The following PRSS38 variants were observed in gnomAD, a reference collection of about 807,000 sequenced individuals.
PRSS38 encodes marapsin 2.
A neutral mutation model predicts 26.8 loss-of-function variants in PRSS38; 22 were observed. The observed-to-expected ratio is 0.82, with a 90% CI of 0.59 to 1.17. The LOEUF is 1.17. PRSS38 is among the 50% of genes most tolerant of loss of function. PRSS38 has a pLI of 0.00. For synonymous variants in PRSS38, 175 were observed against 172.1 expected (o/e 1.02, Z -0.13); for missense variants, 427 against 422.7 (o/e 1.01, Z -0.09).
intron 3 of PRSS38, among the ~76,000 whole-genome samples, chr1:227,818,354 G>A (rs1048397250): frequency 2.0e-5 from 3 of 152,138 alleles, no homozygotes; most frequent in African/African-American, 7.2e-5. Flanking sequence ...GGATCATATA[G>A]TTCTGCTCTT....
intron 3 of PRSS38, among the ~76,000 whole-genome samples, chr1:227,825,265 C>G (rs1421762510): frequency 6.6e-6 from 1 of 152,174 alleles, no homozygotes; most frequent in Non-Finnish European, 1.5e-5. Flanking sequence ...GATTTCAGCT[C>G]ACTGCAACCT....
chr1:227,845,846 C>T (rs1572093738), intron 4 of PRSS38, 108 bp from the exon 5 acceptor site: 2 of 1,465,788 alleles, frequency 1.4e-6, no homozygotes, highest in Non-Finnish European at 1.8e-6. Flanking sequence ...GGCACTGGCC[C>T]CTTCCAGCAG....
At chr1:227,834,413 A>G (rs1354620619) in intron 3 of PRSS38, among the ~76,000 whole-genome samples, 1 of 152,118 alleles carries the variant, frequency 6.6e-6, no homozygotes, top group Non-Finnish European at 1.5e-5. Flanking sequence ...TCGTGTGTAT[A>G]ATCCCAACAG....
chr1:227,832,446 A>G (rs948207676), intron 3 of PRSS38, among the ~76,000 whole-genome samples: 6 of 151,942 alleles, frequency 3.9e-5, no homozygotes, highest in African/African-American at 1.5e-4. Context: ...TCTTCCCTTG[A>G]TTTTTTAGAC....
At chr1:227,828,065 T>C (rs919507473) in intron 3 of PRSS38, among the ~76,000 whole-genome samples, 1 of 152,236 alleles carries the variant, frequency 6.6e-6, no homozygotes, top group Non-Finnish European at 1.5e-5. Flanking sequence ...CTGTTTATTA[T>C]GTTTTCAGTT....
chr1:227,846,381 G>A (rs1665431795), exon 5 of PRSS38: 2 of 818,340 alleles, frequency 2.4e-6, no homozygotes, highest in Non-Finnish European at 3.7e-6. Context: ...AAAGAAAAAA[G>A]GGAAGGGGGA....
At chr1:227,821,689 T>C (rs1665005635) in intron 3 of PRSS38, among the ~76,000 whole-genome samples, 1 of 152,202 alleles carries the variant, frequency 6.6e-6, no homozygotes. Context: ...TAGTTTTTTA[T>C]GAGAAATTGG....
rs1331847793 is a variant in PRSS38 at position 227,846,220 on chromosome 1, C to A, written c.*12C>A. On this transcript the variant is annotated 3_prime_UTR_variant, in exon 5 of 5. Coordinates refer to ENST00000366757, the Ensembl canonical transcript of PRSS38. ...GGTCAGTGCTGTGAGGTCAGGATAC[C>A]CACTCTAGGATTCTCATGGCTGCAC... is the stretch of plus-strand genomic sequence containing the variant. The A allele has an allele frequency of 3.7e-6, 6 of 1,605,010 alleles. No homozygotes were observed. The Admixed American group carries it at 8.3e-5, about 22-fold the overall frequency.
intron 3 of PRSS38, 108 bp from the exon 4 acceptor site, chr1:227,845,362 T>C (rs1242861174): frequency 4.1e-6 from 3 of 723,958 alleles, no homozygotes; most frequent in Non-Finnish European, 6.9e-6. Flanking sequence ...CTACGTATAG[T>C]GGGGCTCCTC....
intron 3 of PRSS38, 151 bp downstream of exon 3, chr1:227,817,631 AT>A (rs1199810816): frequency 1.2e-6 from 1 of 831,854 alleles, no homozygotes; most frequent in African/African-American, 1.7e-5. Context: ...CAGTGTGGAT[AT>A]TTTGTTGTTT....
At chr1:227,827,880 GAT>G (rs1665098052) in intron 3 of PRSS38, among the ~76,000 whole-genome samples, 2 of 152,076 alleles carry the variant, frequency 1.3e-5, no homozygotes, top group African/African-American at 4.8e-5. Context: ...CAGAGATTCT[GAT>G]ATGTTATCTC....
At chr1:227,819,241 T>C (rs1053603237) in intron 3 of PRSS38, among the ~76,000 whole-genome samples, 1 of 152,200 alleles carries the variant, frequency 6.6e-6, no homozygotes, top group Non-Finnish European at 1.5e-5. Context: ...TTCACTCCTA[T>C]AGCCATCTAT....
In PRSS38 at chr1:227,846,023, G is replaced by A. The variant is rs1165524693; in HGVS notation, c.796G>A (p.Gly266Ser). The A allele has an allele frequency of 5.0e-6, 8 of 1,614,050 alleles. No homozygotes were observed. The Admixed American group carries it at 1.3e-4, about 27-fold the overall frequency. The change falls in exon 5 of 5, where the codon GGC becomes AGC. Residue 266 changes from glycine (G) to serine (S), a missense_variant. Physicochemically the swap from Gly to Ser is moderately conservative, Grantham distance 56. Transcript: ENST00000366757. Reference sequence around the variant, plus strand: ...GTTGCAGATTGGAATTGTGAGCTGGGGCCGAGGCTGCTCCAACCCTCTGTA... The same window carrying A: ...GTTGCAGATTGGAATTGTGAGCTGGAGCCGAGGCTGCTCCAACCCTCTGTA...
rs184602288 is a variant in PRSS38, at chr1:227,816,467, C to T, written c.311+215C>T. Among the ~76,000 whole-genome samples the T allele has an allele frequency of 6.6e-6, 1 of 152,238 alleles. No homozygotes were observed. ...TGAGGCTGGTCCCCCAAGTGCACAG[C>T]CAGGTCCTCAAGAGTGATGCTGGTC... On this transcript the variant is annotated intron_variant, in intron 2 of 4. Coordinates refer to ENST00000366757, the Ensembl canonical transcript of PRSS38. The surrounding 1 kb of genome is among the most constrained non-coding windows in gnomAD (Gnocchi z 5.1).
At chr1:227,840,914 C>T (rs1053343443) in intron 3 of PRSS38, among the ~76,000 whole-genome samples, 1 of 152,220 alleles carries the variant, frequency 6.6e-6, no homozygotes. Flanking sequence ...CCTCCTATAT[C>T]AGTTTTCCCT....
intron 4 of PRSS38, 91 bp from the exon 5 acceptor site, chr1:227,845,863 C>A: frequency 6.5e-7 from 1 of 1,535,668 alleles, no homozygotes; most frequent in Non-Finnish European, 8.8e-7. Flanking sequence ...GCAGGGTCTG[C>A]ACAGCCACCC....
chr1:227,821,911 A>G (rs1665008834), intron 3 of PRSS38, among the ~76,000 whole-genome samples: 1 of 152,178 alleles, frequency 6.6e-6, no homozygotes, highest in Admixed American at 6.5e-5. Context: ...TTCTTCAAAT[A>G]TTCTTTCTAC....
chr1:227,845,900 G>T, intron 4 of PRSS38, 54 bp from the exon 5 acceptor site: 5 of 1,598,520 alleles, frequency 3.1e-6, no homozygotes, highest in South Asian at 2.3e-5. Flanking sequence ...ACAGGTGCAG[G>T]AGGCGGCAGG....
chr1:227,833,067 C>T (rs1291845275), intron 3 of PRSS38, among the ~76,000 whole-genome samples: 1 of 152,164 alleles, frequency 6.6e-6, no homozygotes, highest in Non-Finnish European at 1.5e-5. Flanking sequence ...AGCTGATGTT[C>T]ATGGATTGGG....
Sources: gnomAD v4.1 joint callset for allele counts (sites outside exome capture counted in the v4.1 genomes callset) on GRCh38, gnomAD v4.1.1 for gene constraint, Gnocchi (gnomAD v3.1) non-coding constraint, MANE v1.5 for transcripts, NCBI Gene and HGNC (gene_info 2026-07-23, HGNC 2026-07-21) for gene names.